BCKDHB: variants seen among roughly 807,000 people sequenced by gnomAD.
BCKDHB encodes the protein branched chain keto acid dehydrogenase E1 subunit beta.
Under a neutral mutation model 48.5 loss-of-function variants are expected in BCKDHB, and 41 were observed. The ratio of observed to expected loss-of-function variants is 0.85; its 90% confidence interval spans 0.66 to 1.10. BCKDHB has a LOEUF of 1.10. BCKDHB is among the 50% of genes least tolerant of loss of function. The pLI, the probability that BCKDHB is intolerant of heterozygous loss-of-function variation, is 0.00. For missense variants in BCKDHB, 496 were observed against 494.2 expected (o/e 1.00, Z -0.03); for synonymous variants, 201 against 174.8 (o/e 1.15, Z -1.18).
chr6:80,161,886 C>T (rs1398354526), intron 3 of BCKDHB, among the ~76,000 whole-genome samples: 1 of 152,176 alleles, frequency 6.6e-6, no homozygotes, highest in Non-Finnish European at 1.5e-5. Context: ...AATCTTTTGA[C>T]CTTATTGATT....
At chr6:80,416,581 G>T in the BCKDHB span, among the ~76,000 whole-genome samples, 1 of 151,814 alleles carries the variant, frequency 6.6e-6, no homozygotes, top group Admixed American at 6.6e-5. Context: ...CCATGTCATT[G>T]TATGGTTTTG....
intron 8 of BCKDHB, among the ~76,000 whole-genome samples, chr6:80,263,565 C>T (rs1777389770): frequency 6.6e-6 from 1 of 152,144 alleles, no homozygotes; most frequent in African/African-American, 2.4e-5. Context: ...ATGAACTACA[C>T]ATAATTTTTG....
the BCKDHB span, among the ~76,000 whole-genome samples, chr6:80,415,799 T>C: frequency 6.6e-6 from 1 of 152,000 alleles, no homozygotes; most frequent in South Asian, 2.1e-4. Context: ...ATGAGTTGGG[T>C]AGGAGTCCTT....
intron 3 of BCKDHB, among the ~76,000 whole-genome samples, chr6:80,138,838 A>G (rs1190788737): frequency 1.3e-5 from 2 of 152,184 alleles, no homozygotes; most frequent in Admixed American, 6.5e-5. Context: ...TGGCTGGGTC[A>G]AATGGTATTT....
At chr6:80,367,175 A>G in the BCKDHB span, among the ~76,000 whole-genome samples, 8 of 152,162 alleles carry the variant, frequency 5.3e-5, no homozygotes, top group Non-Finnish European at 4.4e-5. Flanking sequence ...TTACTGTTAA[A>G]GTTACTCAAT....
At chr6:80,456,979 CA>C in the BCKDHB span, among the ~76,000 whole-genome samples, 10 of 152,104 alleles carry the variant, frequency 6.6e-5, no homozygotes, top group Non-Finnish European at 1.5e-4. Context: ...ATGTTGGCCA[CA>C]ATAAACTGTT....
intron 8 of BCKDHB, among the ~76,000 whole-genome samples, chr6:80,233,166 T>G (rs1776005043): frequency 6.6e-6 from 1 of 152,118 alleles, no homozygotes; most frequent in African/African-American, 2.4e-5. Context: ...TTTGGCACCA[T>G]TTTTGTCCTT....
the BCKDHB span, among the ~76,000 whole-genome samples, chr6:80,369,700 G>T: frequency 1.3e-5 from 2 of 152,156 alleles, no homozygotes; most frequent in African/African-American, 4.8e-5. Flanking sequence ...GAAATAATGT[G>T]CTGCTTGTAT....
At chr6:80,462,482 C>G in the BCKDHB span, among the ~76,000 whole-genome samples, 1 of 152,184 alleles carries the variant, frequency 6.6e-6, no homozygotes, top group Non-Finnish European at 1.5e-5. Context: ...CTTTTCTTAG[C>G]TGATGTGCCT....
chr6:80,282,516 A>C (rs1024116682), intron 9 of BCKDHB, among the ~76,000 whole-genome samples: 20 of 152,282 alleles, frequency 1.3e-4, no homozygotes, highest in Admixed American at 3.3e-4. Context: ...CAACAACAGG[A>C]ATATATTTTA....
chr6:80,229,346 T>G (rs1164664852), intron 8 of BCKDHB, among the ~76,000 whole-genome samples: 1 of 152,240 alleles, frequency 6.6e-6, no homozygotes, highest in Non-Finnish European at 1.5e-5. Flanking sequence ...TGCTCTCAGG[T>G]GGTGCCTTTT....
intron 8 of BCKDHB, among the ~76,000 whole-genome samples, chr6:80,244,472 A>G (rs186435707): frequency 4.6e-5 from 7 of 152,372 alleles, no homozygotes; most frequent in Admixed American, 1.3e-4. Flanking sequence ...GAAAAAAATA[A>G]CACAGTTAAA....
intron 8 of BCKDHB, among the ~76,000 whole-genome samples, chr6:80,224,888 C>T (rs1775615903): frequency 6.6e-6 from 1 of 152,190 alleles, no homozygotes; most frequent in African/African-American, 2.4e-5. Context: ...AGGTGACACC[C>T]TGACAGATGG....
intron 8 of BCKDHB, among the ~76,000 whole-genome samples, chr6:80,234,315 C>T (rs542122550): frequency 2.6e-5 from 4 of 152,130 alleles, no homozygotes; most frequent in South Asian, 2.1e-4. Context: ...AAGAAGATTG[C>T]GACTATTTAG....
intron 9 of BCKDHB, among the ~76,000 whole-genome samples, chr6:80,298,263 C>G (rs925184175): frequency 3.9e-5 from 6 of 152,138 alleles, no homozygotes; most frequent in African/African-American, 1.2e-4. Flanking sequence ...CATGCATGTA[C>G]CACCATGCCT....
At chr6:80,107,514 C>CGT (rs1769163838) in intron 1 of BCKDHB, among the ~76,000 whole-genome samples, 2 of 24,666 alleles carry the variant, frequency 8.1e-5, no homozygotes, top group East Asian at 2.1e-3. Flanking sequence ...TATATGTGCG[C>CGT]ATATATATAT....
chr6:80,184,241 G>C (rs1773541188), intron 6 of BCKDHB, among the ~76,000 whole-genome samples: 2 of 152,110 alleles, frequency 1.3e-5, no homozygotes, highest in African/African-American at 4.8e-5. Flanking sequence ...TTTAAAGTCT[G>C]TTTTGTCTGA....
intron 6 of BCKDHB, among the ~76,000 whole-genome samples, chr6:80,200,106 C>T (rs946690405): frequency 1.1e-4 from 16 of 146,046 alleles, no homozygotes; most frequent in Admixed American, 6.8e-5. Context: ...AAGAAGGCTT[C>T]TCAGCATAAC....
the BCKDHB span, among the ~76,000 whole-genome samples, chr6:80,359,815 A>C: frequency 6.6e-6 from 1 of 151,776 alleles, no homozygotes; most frequent in Non-Finnish European, 1.5e-5. Context: ...CTGGTCTCAA[A>C]CTCCTGACCT....
Sources: allele counts gnomAD v4.1 joint callset (sites outside exome capture counted in the v4.1 genomes callset), GRCh38; gene constraint gnomAD v4.1.1; transcripts MANE v1.5; gene names NCBI Gene and HGNC (gene_info 2026-07-23, HGNC 2026-07-21).